GRID1: variants seen among roughly 807,000 people sequenced by gnomAD.
The protein encoded by GRID1 is glutamate ionotropic receptor delta type subunit 1.
Under a neutral mutation model 98.0 loss-of-function variants are expected in GRID1, and 28 were observed. The observed-to-expected ratio is 0.29, with a 90% confidence interval of 0.21 to 0.39. The LOEUF (loss-of-function observed/expected upper bound fraction) is 0.39, where lower values mean the gene tolerates loss of function less well. GRID1 is among the 10% of genes least tolerant of loss of function. The pLI, the probability that GRID1 is intolerant of heterozygous loss-of-function variation, is 1.00. For synonymous variants in GRID1, 553 were observed against 538.5 expected, an observed-to-expected ratio of 1.03 and a Z score of -0.37; for missense variants, 1,111 against 1,340.5, an observed-to-expected ratio of 0.83 and a Z score of 2.67.
rs137977096 is a variant in GRID1 at position 86,239,579 on chromosome 10, G to T, written c.236-32931C>A. On this transcript the variant is annotated intron_variant, in intron 2 of 15. Transcript: ENST00000327946. ...TTATAATCCCCGTGTTGGAGGAGGG[G>T]CCTGGTGGGAGGTGATTGGATCATG... Among the ~76,000 whole-genome samples the T allele has an allele frequency of 9.8e-3, 1,490 of 152,316 alleles. 28 individuals carry two copies. The highest frequency in any genetic ancestry group is 0.033 in the African/African-American group (1,377 of 41,562).
At chr10:85,977,773 C>T (rs1433379627) in intron 4 of GRID1, among the ~76,000 whole-genome samples, 1 of 152,178 alleles carries the variant, frequency 6.6e-6, no homozygotes, top group Non-Finnish European at 1.5e-5. Context: ...ACGTGGCAGT[C>T]ACTAGCCAGT....
intron 12 of GRID1, among the ~76,000 whole-genome samples, chr10:85,654,769 A>G (rs1189837204): frequency 6.6e-6 from 1 of 152,196 alleles, no homozygotes; most frequent in Admixed American, 6.5e-5. Flanking sequence ...TGAGGCTCCC[A>G]CACCAAGGCA....
At chr10:85,819,512 C>CCTTGATGTT (rs1432412177) in intron 8 of GRID1, among the ~76,000 whole-genome samples, 7 of 152,150 alleles carry the variant, frequency 4.6e-5, no homozygotes, top group Admixed American at 3.3e-4. Flanking sequence ...AACAGGCAAT[C>CCTTGATGTT]AAGGTTAACA....
At chr10:85,796,193 A>C (rs970274977) in intron 8 of GRID1, among the ~76,000 whole-genome samples, 2 of 152,260 alleles carry the variant, frequency 1.3e-5, no homozygotes, top group African/African-American at 4.8e-5. Flanking sequence ...AAACTAATGC[A>C]CAAACCAGAA....
intron 5 of GRID1, among the ~76,000 whole-genome samples, chr10:85,884,016 G>T (rs1239273177): frequency 1.3e-5 from 2 of 152,194 alleles, no homozygotes; most frequent in East Asian, 3.9e-4. Flanking sequence ...CCTATTCCTT[G>T]CACAATCATA....
intron 14 of GRID1, among the ~76,000 whole-genome samples, chr10:85,614,639 A>T (rs1225193720): frequency 6.6e-6 from 1 of 152,210 alleles, no homozygotes; most frequent in East Asian, 1.9e-4. Context: ...AGCACTTAGC[A>T]CATTTAAGAA....
chr10:85,833,353 G>A (rs1171171582), intron 8 of GRID1, among the ~76,000 whole-genome samples: 3 of 151,960 alleles, frequency 2.0e-5, no homozygotes, highest in Admixed American at 6.6e-5. Context: ...ATACTTCTTG[G>A]GAATCACAAA....
At chr10:85,623,742 C>T (rs533292180) in intron 13 of GRID1, among the ~76,000 whole-genome samples, 2 of 152,356 alleles carry the variant, frequency 1.3e-5, no homozygotes, top group South Asian at 4.1e-4. Context: ...GAAAGCATGT[C>T]TACCCCTTTC....
rs147176174 is a variant in GRID1 at position 85,676,422 on chromosome 10, T to C, written c.1998-29025A>G. Among the ~76,000 whole-genome samples the C allele has an allele frequency of 4.0e-3, 605 of 152,320 alleles. 3 individuals are homozygous for C. Among genetic ancestry groups the C allele is most frequent in the African/African-American group, 0.014 (565 of 41,580 alleles). Reference sequence around the variant, plus strand: ...GATCAGGCTGGAGCTAGTTTCCACCTGATACCATATTCTTGCTTAGCACGT... The same window carrying C: ...GATCAGGCTGGAGCTAGTTTCCACCCGATACCATATTCTTGCTTAGCACGT... On this transcript the variant is annotated intron_variant, in intron 12 of 15. Coordinates refer to ENST00000327946, the MANE Select transcript of GRID1 (RefSeq NM_017551.3).
chr10:86,354,829 G>A (rs1165478909), intron 2 of GRID1, among the ~76,000 whole-genome samples: 2 of 152,210 alleles, frequency 1.3e-5, no homozygotes, highest in African/African-American at 4.8e-5. Context: ...CAGGTTCCCA[G>A]AGCCCCAGCC....
chr10:85,748,934 A>G (rs780902015), intron 8 of GRID1, among the ~76,000 whole-genome samples: 8 of 152,120 alleles, frequency 5.3e-5, no homozygotes, highest in Non-Finnish European at 1.2e-4. Flanking sequence ...TAAGCCAAAG[A>G]TTTCAGAGTC....
chr10:85,863,352 C>A (rs181827028), intron 6 of GRID1, among the ~76,000 whole-genome samples: 1 of 152,148 alleles, frequency 6.6e-6, no homozygotes, highest in African/African-American at 2.4e-5. Flanking sequence ...AGGGCTCCCC[C>A]CCTCATCACC....
intron 12 of GRID1, among the ~76,000 whole-genome samples, chr10:85,673,663 TA>T (rs1841112501): frequency 1.3e-5 from 2 of 152,352 alleles, no homozygotes; most frequent in African/African-American, 2.4e-5. Context: ...AAAGTATGTA[TA>T]TTTTTTAGAC....
chr10:86,005,435 G>A (rs1465416429), intron 4 of GRID1, among the ~76,000 whole-genome samples: 1 of 152,188 alleles, frequency 6.6e-6, no homozygotes, highest in Non-Finnish European at 1.5e-5. Flanking sequence ...AAGGGTAAAT[G>A]TTGTTGGAGA....
intron 3 of GRID1, among the ~76,000 whole-genome samples, chr10:86,143,848 T>C (rs1460148650): frequency 6.6e-6 from 1 of 152,164 alleles, no homozygotes; most frequent in Non-Finnish European, 1.5e-5. Context: ...TCGGGGTGCA[T>C]GGGCCAGTCC....
chr10:86,355,461 C>T (rs1436194663), intron 2 of GRID1, among the ~76,000 whole-genome samples: 1 of 152,252 alleles, frequency 6.6e-6, no homozygotes, highest in Admixed American at 6.5e-5. Context: ...ACATGTCCCA[C>T]ACCTGGGTGG....
At chr10:85,893,828 T>C (rs1040566328) in intron 5 of GRID1, among the ~76,000 whole-genome samples, 1 of 152,194 alleles carries the variant, frequency 6.6e-6, no homozygotes, top group African/African-American at 2.4e-5. Context: ...GCAGGATTTT[T>C]CTAGAAACTG....
intron 4 of GRID1, among the ~76,000 whole-genome samples, chr10:86,045,561 C>T (rs1440735530): frequency 6.6e-6 from 1 of 152,000 alleles, no homozygotes; most frequent in Non-Finnish European, 1.5e-5. Context: ...TTATATAATA[C>T]AAGAGAAGCA....
In GRID1 at chr10:85,850,701, C is replaced by G. The variant is rs147665740; in HGVS notation, c.1233+3795G>C. Among the ~76,000 whole-genome samples the G allele has an allele frequency of 6.6e-4, 100 of 152,308 alleles. 1 individual carries two copies. The highest frequency in any genetic ancestry group is 6.8e-3 in the Middle Eastern group (2 of 294). On this transcript the variant is annotated intron_variant, in intron 8 of 15. Coordinates refer to ENST00000327946, the MANE Select transcript of GRID1 (RefSeq NM_017551.3). The stretch of plus-strand genomic sequence containing the variant: ...AGAGAAAACACACAGTCCCATTTGC[C>G]CAAAGCTGATGCCCTGTGCCATATG...
Sources: gnomAD v4.1 joint callset for allele counts (sites outside exome capture counted in the v4.1 genomes callset) on GRCh38, gnomAD v4.1.1 for gene constraint, MANE v1.5 for transcripts, NCBI Gene and HGNC (gene_info 2026-07-23, HGNC 2026-07-21) for gene names.